ABCE1: variants seen among roughly 807,000 people sequenced by gnomAD.
The protein encoded by ABCE1 is ATP-binding cassette sub-family E member 1.
In ABCE1, 22 loss-of-function variants were observed where a neutral mutation model predicts 83.4. That is an observed-to-expected ratio of 0.26 (90% CI 0.19 to 0.38). The LOEUF (loss-of-function observed/expected upper bound fraction) is 0.38, where lower values mean the gene tolerates loss of function less well. ABCE1 is among the 10% of genes least tolerant of loss of function. ABCE1 has a pLI of 1.00. For missense variants in ABCE1, 330 were observed against 721.9 expected (o/e 0.46, Z 6.22); for synonymous variants, 204 against 233.7 (o/e 0.87, Z 1.16).
At chr4:145,107,308 A>G (rs34130329) in intron 3 of ABCE1, among the ~76,000 whole-genome samples, 65 of 152,254 alleles carry the variant, frequency 4.3e-4, no homozygotes, top group African/African-American at 1.5e-3. Flanking sequence ...CCAAAAAAGG[A>G]TAAGATCCAT....
rs183228606 is a variant in ABCE1, at chr4:145,111,424, C to T, written c.710+360C>T. On this transcript the variant is annotated intron_variant, in intron 8 of 17. Coordinates refer to ENST00000296577, the MANE Select transcript of ABCE1 (RefSeq NM_002940.3). The stretch of plus-strand genomic sequence containing the variant: ...CTACAAGCTCCACCTCCCGGGTTCA[C>T]GCCATTCTCCTGCCTCAGCCTCCTG... Among the ~76,000 whole-genome samples the T allele has an allele frequency of 4.3e-3, 654 of 152,216 alleles. 7 individuals carry two copies. Among genetic ancestry groups the T allele is most frequent in the African/African-American group, 0.015 (618 of 41,536 alleles).
intron 16 of ABCE1, among the ~76,000 whole-genome samples, chr4:145,124,747 A>G (rs1353271964): frequency 2.0e-5 from 3 of 152,174 alleles, no homozygotes; most frequent in Non-Finnish European, 4.4e-5. Context: ...TCACCAGATT[A>G]GAAATCCAGG....
chr4:145,121,471 AT>A (rs1434073237), intron 13 of ABCE1, 80 bp downstream of exon 13: 1 of 1,070,516 alleles, frequency 9.3e-7, no homozygotes, highest in African/African-American at 1.6e-5. Context: ...CTATATTAAA[AT>A]TTTTCTCCAA....
intron 9 of ABCE1, 51 bp downstream of exon 9, chr4:145,112,379 C>A: frequency 1.6e-6 from 2 of 1,288,532 alleles, no homozygotes; most frequent in Non-Finnish European, 2.2e-6. Flanking sequence ...GAGATTTTTA[C>A]AGATTTCTAA....
intron 16 of ABCE1, among the ~76,000 whole-genome samples, 182 bp from the exon 17 acceptor site, chr4:145,124,808 A>G (rs1269459289): frequency 6.6e-6 from 1 of 150,920 alleles, no homozygotes; most frequent in East Asian, 1.9e-4. Flanking sequence ...AGAAAACTAT[A>G]TAGTCCAAGC....
rs182311260 is a variant in ABCE1, at chr4:145,126,328, T to A, written c.1753-1198T>A. Among the ~76,000 whole-genome samples, 33 of 152,244 alleles carry A rather than the reference T, an allele frequency of 2.2e-4. No homozygotes were observed. In the East Asian group the frequency reaches 5.8e-3, roughly 27 times the overall value. ...TTGTTTTTTTGAGGCAGAGTCTCAC[T>A]CTCTCACCTAGGCTGGAGTGCAGTG... On this transcript the variant is annotated intron_variant, in intron 17 of 17. Coordinates refer to ENST00000296577, the MANE Select transcript of ABCE1 (RefSeq NM_002940.3).
intron 9 of ABCE1, among the ~76,000 whole-genome samples, chr4:145,115,075 GAT>G (rs1349542217): frequency 1.3e-5 from 2 of 151,904 alleles, no homozygotes; most frequent in African/African-American, 4.8e-5. Context: ...AAGACTAAGA[GAT>G]AGCCCCAAAT....
intron 4 of ABCE1, among the ~76,000 whole-genome samples, chr4:145,108,754 G>T (rs1342779457): frequency 1.3e-5 from 2 of 152,202 alleles, no homozygotes; most frequent in Non-Finnish European, 2.9e-5. Flanking sequence ...AGAAAAGAAA[G>T]ACATTGTGAG....
intron 16 of ABCE1, 173 bp downstream of exon 16, chr4:145,123,773 T>A: frequency 3.8e-6 from 2 of 530,940 alleles, no homozygotes; most frequent in Non-Finnish European, 6.3e-6. Flanking sequence ...AAGAGTAGTG[T>A]TTAGGCTTCA....
chr4:145,101,337 A>G (rs979042295), intron 1 of ABCE1, among the ~76,000 whole-genome samples: 3 of 152,192 alleles, frequency 2.0e-5, no homozygotes, highest in Non-Finnish European at 2.9e-5. Context: ...CAAAGAGCCA[A>G]TGTAGCTGGA....
Position 145,105,590 on chromosome 4 carries a change from CT to C in ABCE1, c.104-11del. On this transcript the variant is annotated splice_polypyrimidine_tract_variant and intron_variant, in intron 2 of 17. Coordinates refer to ENST00000296577, the MANE Select transcript of ABCE1 (RefSeq NM_002940.3). Reference sequence around the variant, plus strand: ...ATCAAAGGAAATGGCTTAATTATATCTTTTCCTTTACCAGGAAAATTATGCA... The same window carrying C: ...ATCAAAGGAAATGGCTTAATTATATCTTTCCTTTACCAGGAAAATTATGCA... The C allele has an allele frequency of 1.9e-6, 3 of 1,552,174 alleles. No homozygotes were observed. Among genetic ancestry groups the C allele is most frequent in the Admixed American group, 1.7e-5 (1 of 57,382 alleles).
chr4:145,108,277 C>A (rs1474937929), intron 4 of ABCE1, among the ~76,000 whole-genome samples, 165 bp downstream of exon 4: 3 of 152,160 alleles, frequency 2.0e-5, no homozygotes, highest in African/African-American at 7.2e-5. Context: ...GTCTGTGGTT[C>A]ATTCTGGCTA....
chr4:145,128,489 A>T lies in ABCE1; in HGVS notation c.*916A>T, dbSNP rs1749954174. 6.6e-6 allele frequency: 1 copy of T among 152,172 alleles called. No homozygotes were observed. The highest frequency in any genetic ancestry group is 6.5e-5 in the Admixed American group (1 of 15,284). The allele number at this position is 152,172 out of a possible 1,614,324, so 9.4% of individuals were successfully genotyped here. A position where few individuals can be genotyped will look rare whatever the true frequency, so the allele number is the denominator to read the frequency against. The stretch of plus-strand genomic sequence containing the variant: ...CCAAGGATTATAAACCACTTCCCTA[A>T]AGGCAACATTAATGCAAAAGTCCCC... On this transcript the variant is annotated 3_prime_UTR_variant, in exon 18 of 18. Coordinates refer to ENST00000296577, the MANE Select transcript of ABCE1 (RefSeq NM_002940.3).
chr4:145,124,279 C>G (rs778722661), intron 16 of ABCE1, among the ~76,000 whole-genome samples: 10 of 151,888 alleles, frequency 6.6e-5, no homozygotes, highest in Non-Finnish European at 1.2e-4. Flanking sequence ...TATTGGAGAG[C>G]AAGGAATGGA....
chr4:145,113,620 T>C (rs1353645550), intron 9 of ABCE1, among the ~76,000 whole-genome samples: 1 of 152,170 alleles, frequency 6.6e-6, no homozygotes, highest in Non-Finnish European at 1.5e-5. Context: ...ACATATTATA[T>C]GGCAGCAGGA....
chr4:145,108,198 G>C, intron 4 of ABCE1, 86 bp downstream of exon 4: 1 of 1,176,866 alleles, frequency 8.5e-7, no homozygotes. Flanking sequence ...AAATTGGGGG[G>C]AAATGCTATT....
chr4:145,117,510 G>A, intron 10 of ABCE1, 96 bp downstream of exon 10: 1 of 1,168,604 alleles, frequency 8.6e-7, no homozygotes, highest in Non-Finnish European at 1.2e-6. Flanking sequence ...ACATTGGTCT[G>A]ATATCATCCA....
intron 4 of ABCE1, 82 bp downstream of exon 4, chr4:145,108,194 G>A: frequency 8.0e-7 from 1 of 1,250,228 alleles, no homozygotes; most frequent in South Asian, 1.2e-5. Context: ...GCAGAAATTG[G>A]GGGGAAATGC....
chr4:145,112,406 C>A (rs1288840368), intron 9 of ABCE1, 78 bp downstream of exon 9: 3 of 963,682 alleles, frequency 3.1e-6, no homozygotes, highest in Non-Finnish European at 4.7e-6. Flanking sequence ...AACACTGGGA[C>A]TGTCAATGTG....
Sources: allele counts gnomAD v4.1 joint callset (sites outside exome capture counted in the v4.1 genomes callset), GRCh38; gene constraint gnomAD v4.1.1; transcripts MANE v1.5; gene names NCBI Gene and HGNC (gene_info 2026-07-23, HGNC 2026-07-21).